The following PARD3 variants were observed in gnomAD, a reference collection of about 807,000 sequenced individuals.
The protein encoded by PARD3 is partitioning defective 3 homolog.
Under a neutral mutation model 155.4 loss-of-function variants are expected in PARD3, and 75 were observed. That is an observed-to-expected ratio of 0.48 (90% CI 0.40 to 0.58). PARD3 has a LOEUF of 0.58. Among genes scored for constraint, PARD3 ranks in the 20% least tolerant of loss-of-function variants. PARD3 has a pLI of 0.00. For missense variants in PARD3, 1,642 were observed against 1,721.7 expected, an observed-to-expected ratio of 0.95 and a Z score of 0.82; for synonymous variants, 576 against 610.5, an observed-to-expected ratio of 0.94 and a Z score of 0.83.
intron 3 of PARD3, among the ~76,000 whole-genome samples, chr10:34,495,032 C>T (rs573950341): frequency 1.3e-5 from 2 of 152,280 alleles, no homozygotes; most frequent in South Asian, 2.1e-4. Flanking sequence ...TCCAGCCCCC[C>T]AACCCAATTT....
chr10:34,539,713 G>A (rs2083470072), intron 2 of PARD3, among the ~76,000 whole-genome samples: 2 of 152,174 alleles, frequency 1.3e-5, no homozygotes, highest in South Asian at 4.2e-4. Flanking sequence ...TACTCTGTGT[G>A]GCCTTGGATT....
chr10:34,350,633 C>CGGGGGGG (rs113142401), intron 14 of PARD3, among the ~76,000 whole-genome samples: 3 of 40,704 alleles, frequency 7.4e-5, no homozygotes, highest in African/African-American at 1.1e-4. Context: ...TCCATCTTGG[C>CGGGGGGG]GGGGGGGGAG....
intron 22 of PARD3, among the ~76,000 whole-genome samples, chr10:34,184,456 G>A (rs1391265283): frequency 5.3e-5 from 8 of 152,148 alleles, no homozygotes; most frequent in Non-Finnish European, 1.5e-5. Context: ...CTCATAGGGG[G>A]TTTAGAGAAT....
chr10:34,477,053 A>G (rs1589712364), intron 3 of PARD3, among the ~76,000 whole-genome samples: 1 of 152,342 alleles, frequency 6.6e-6, no homozygotes, highest in Non-Finnish European at 1.5e-5. Context: ...TTGGCCTCGG[A>G]TGAATAAAAC....
chr10:34,119,295 C>G (rs749036683), intron 24 of PARD3, among the ~76,000 whole-genome samples: 1 of 152,126 alleles, frequency 6.6e-6, no homozygotes, highest in Non-Finnish European at 1.5e-5. Context: ...TCCCATTTTT[C>G]AGATGAAGAT....
intron 2 of PARD3, among the ~76,000 whole-genome samples, chr10:34,580,512 T>A (rs976082143): frequency 6.6e-6 from 1 of 152,144 alleles, no homozygotes; most frequent in Admixed American, 6.5e-5. Context: ...TCCAGCTAGG[T>A]GACAGAGCGA....
At chr10:34,185,884 T>G (rs1950471433) in intron 22 of PARD3, among the ~76,000 whole-genome samples, 1 of 150,060 alleles carries the variant, frequency 6.7e-6, no homozygotes, top group African/African-American at 2.4e-5. Flanking sequence ...TATTACACAT[T>G]ATATTGCAGA....
intron 2 of PARD3, among the ~76,000 whole-genome samples, chr10:34,576,316 G>GC (rs2086883909): frequency 6.6e-6 from 1 of 152,196 alleles, no homozygotes; most frequent in Non-Finnish European, 1.5e-5. Flanking sequence ...CGACCTTCCA[G>GC]AGGGGCTGTC....
chr10:34,159,298 G>C (rs566517481), intron 22 of PARD3, among the ~76,000 whole-genome samples: 1 of 152,286 alleles, frequency 6.6e-6, no homozygotes, highest in South Asian at 2.1e-4. Flanking sequence ...ATGGGCTGTT[G>C]AGTAGCAAAT....
chr10:34,627,858 G>GTGGGAAGATTACTGATTC (rs2092061414), intron 2 of PARD3, among the ~76,000 whole-genome samples: 1 of 152,170 alleles, frequency 6.6e-6, no homozygotes, highest in African/African-American at 2.4e-5. Flanking sequence ...AAAGTGTTAT[G>GTGGGAAGATTACTGATTC]TGGGAAGATT....
chr10:34,123,509 A>G (rs1040471784), intron 23 of PARD3, among the ~76,000 whole-genome samples: 2 of 152,232 alleles, frequency 1.3e-5, no homozygotes, highest in South Asian at 2.1e-4. Flanking sequence ...TGGCACAATT[A>G]CAGCTCACTG....
At chr10:34,277,191 A>G (rs2133894602) in intron 21 of PARD3, among the ~76,000 whole-genome samples, 1 of 152,326 alleles carries the variant, frequency 6.6e-6, no homozygotes, top group African/African-American at 2.4e-5. Flanking sequence ...ACCCAAATTC[A>G]TGGCGAAATG....
At chr10:34,464,518 A>G (rs1795885250) in intron 4 of PARD3, among the ~76,000 whole-genome samples, 1 of 152,196 alleles carries the variant, frequency 6.6e-6, no homozygotes, top group Non-Finnish European at 1.5e-5. Flanking sequence ...ATCTAGTCAA[A>G]GAAAATAATC....
chr10:34,533,997 T>A (rs1564817876), intron 2 of PARD3, among the ~76,000 whole-genome samples: 1 of 152,112 alleles, frequency 6.6e-6, no homozygotes, highest in Non-Finnish European at 1.5e-5. Context: ...AACACCCCCA[T>A]TTCCATGAAA....
At chr10:34,697,819 G>A (rs1197193382) in intron 1 of PARD3, among the ~76,000 whole-genome samples, 2 of 147,564 alleles carry the variant, frequency 1.4e-5, no homozygotes, top group Non-Finnish European at 3.0e-5. Flanking sequence ...CATTTGTGGG[G>A]CCTATTCTGA....
intron 14 of PARD3, among the ~76,000 whole-genome samples, chr10:34,358,421 G>A: frequency 6.6e-6 from 1 of 152,088 alleles, no homozygotes; most frequent in East Asian, 1.9e-4. Flanking sequence ...GAAAAAGGAG[G>A]CATTCTAAGA....
chr10:34,413,034 T>C (rs1047239707), intron 5 of PARD3, among the ~76,000 whole-genome samples: 1 of 151,998 alleles, frequency 6.6e-6, no homozygotes, highest in South Asian at 2.1e-4. Flanking sequence ...TAAAACAGGA[T>C]CAAGATGACT....
chr10:34,396,628 G>A (rs527916321), intron 7 of PARD3, among the ~76,000 whole-genome samples: 1 of 152,266 alleles, frequency 6.6e-6, no homozygotes, highest in East Asian at 1.9e-4. Context: ...ATAAAAGTAA[G>A]TATTCAGTAA....
chr10:34,809,129 CTGTT>C (rs1222246594), intron 1 of PARD3, among the ~76,000 whole-genome samples: 2 of 152,240 alleles, frequency 1.3e-5, no homozygotes, highest in East Asian at 3.8e-4. Context: ...CCATTACAAG[CTGTT>C]TGTGCCAGTA....
Sources: allele counts gnomAD v4.1 joint callset (sites outside exome capture counted in the v4.1 genomes callset), GRCh38; gene constraint gnomAD v4.1.1; transcripts MANE v1.5; gene names NCBI Gene and HGNC (gene_info 2026-07-23, HGNC 2026-07-21).